The following ASIC2 variants were observed in gnomAD, a reference collection of about 807,000 sequenced individuals.
The protein encoded by ASIC2 is acid sensing ion channel subunit 2.
Under a neutral mutation model 57.3 loss-of-function variants are expected in ASIC2, and 25 were observed. The observed-to-expected ratio is 0.44, with a 90% CI of 0.32 to 0.61. ASIC2 has a LOEUF of 0.61. Ranked by LOEUF, ASIC2 falls within the 20% of genes least tolerant of loss-of-function variation. The pLI is 0.06. For synonymous variants in ASIC2, 319 were observed against 307.5 expected (o/e 1.04, Z -0.39); for missense variants, 641 against 738.1 (o/e 0.87, Z 1.52).
chr17:34,045,471 T>C (rs1305741751), intron 1 of ASIC2, among the ~76,000 whole-genome samples: 1 of 152,210 alleles, frequency 6.6e-6, no homozygotes, highest in Non-Finnish European at 1.5e-5. Flanking sequence ...ACCTTTGGGT[T>C]CAATGATTTT....
intron 1 of ASIC2, among the ~76,000 whole-genome samples, chr17:34,015,489 C>A (rs1906919279): frequency 6.6e-6 from 1 of 152,226 alleles, no homozygotes; most frequent in African/African-American, 2.4e-5. Context: ...TGGCTCATCT[C>A]AGCTTCATGA....
At chr17:33,322,020 C>G (rs1906891969) in intron 1 of ASIC2, among the ~76,000 whole-genome samples, 2 of 152,200 alleles carry the variant, frequency 1.3e-5, no homozygotes, top group Admixed American at 1.3e-4. Context: ...GGAAGGACCA[C>G]AGTGGATCCA....
At chr17:33,169,858 C>G (rs1905445145) in intron 1 of ASIC2, among the ~76,000 whole-genome samples, 2 of 152,178 alleles carry the variant, frequency 1.3e-5, no homozygotes, top group African/African-American at 4.8e-5. Flanking sequence ...CTGGTAGCTC[C>G]AATTCTCCTC....
chr17:33,806,415 G>A (rs143220480), intron 1 of ASIC2, among the ~76,000 whole-genome samples: 1 of 152,304 alleles, frequency 6.6e-6, no homozygotes, highest in African/African-American at 2.4e-5. Flanking sequence ...TAACTAACAA[G>A]CCATGCAAAG....
chr17:33,219,689 A>G (rs116480154), intron 1 of ASIC2, among the ~76,000 whole-genome samples: 8,313 of 152,068 alleles, frequency 0.055, 463 homozygotes, highest in African/African-American at 0.14. Context: ...GAGATGGGGG[A>G]AAAGTTTCGG....
chr17:33,948,807 C>G (rs1215355263), intron 1 of ASIC2, among the ~76,000 whole-genome samples: 1 of 152,146 alleles, frequency 6.6e-6, no homozygotes, highest in Non-Finnish European at 1.5e-5. Flanking sequence ...GTGGACACTG[C>G]ATGAAGATAA....
intron 1 of ASIC2, among the ~76,000 whole-genome samples, chr17:33,579,510 T>C (rs1916812089): frequency 6.6e-6 from 1 of 152,044 alleles, no homozygotes; most frequent in South Asian, 2.1e-4. Flanking sequence ...CCCAGAATTG[T>C]CTCCTCCTGG....
rs759272196 is a variant in ASIC2, at chr17:34,156,546, A to G, written c.-14T>C. ...CTTGAGGTCCATCGGGACCCCGTGC[A>G]GTTCCGCAACTGGCTTCAGGTTGAT... On this transcript the variant is annotated 5_prime_UTR_variant, in exon 1 of 10. Transcript: ENST00000359872. The surrounding 1 kb of genome is among the most constrained non-coding windows in gnomAD (Gnocchi z 4.4). 3.8e-6 allele frequency: 6 copies of G among 1,570,140 alleles called. No homozygotes were observed. Among genetic ancestry groups the G allele is most frequent in the Admixed American group, 1.8e-5 (1 of 56,868 alleles).
rs565820763 is a variant in ASIC2, at chr17:33,870,228, T to G, written c.555+285750A>C. On this transcript the variant is annotated intron_variant, in intron 1 of 9. Coordinates refer to the ASIC2 transcript ENST00000359872. ...TGGGCTGTGATGAGAAATTCTGTTT[T>G]TTTTTTTTTTTTTTTTTTTTTTTTG... Among the ~76,000 whole-genome samples the G allele has an allele frequency of 1.1e-4, 12 of 112,038 alleles. No homozygotes were observed. The South Asian group carries it at 4.3e-3, about 40-fold the overall frequency. The allele number at this position is 112,038 out of a possible 152,430, so 73.5% of individuals were successfully genotyped here. A position where few individuals can be genotyped will look rare whatever the true frequency, so the allele number is the denominator to read the frequency against.
chr17:33,776,058 G>C (rs944179970), intron 1 of ASIC2, among the ~76,000 whole-genome samples: 2 of 150,970 alleles, frequency 1.3e-5, no homozygotes, highest in Non-Finnish European at 2.9e-5. Context: ...GCTTGAACCA[G>C]GGAGGCGGAG....
chr17:33,792,703 G>T (rs1266051646), intron 1 of ASIC2: 1 of 152,202 alleles, frequency 6.6e-6, no homozygotes, highest in African/African-American at 2.4e-5. Flanking sequence ...GGCTTATGAA[G>T]TGGTCAGACT....
At chr17:34,099,357 A>G (rs555579625) in intron 1 of ASIC2, among the ~76,000 whole-genome samples, 1 of 149,238 alleles carries the variant, frequency 6.7e-6, no homozygotes, top group Non-Finnish European at 1.5e-5. Context: ...GGAGGAAAGA[A>G]GGAAGGAAGG....
intron 1 of ASIC2, among the ~76,000 whole-genome samples, chr17:33,973,305 C>T (rs1008730499): frequency 6.6e-6 from 1 of 152,184 alleles, no homozygotes; most frequent in African/African-American, 2.4e-5. Context: ...CAGCACAACC[C>T]AGTGGAGACA....
At chr17:34,040,412 G>GA (rs1368266207) in intron 1 of ASIC2, among the ~76,000 whole-genome samples, 1 of 144,600 alleles carries the variant, frequency 6.9e-6, no homozygotes, top group Non-Finnish European at 1.5e-5. Context: ...GGGGTCCTGG[G>GA]GGGTGGGGGA....
At chr17:33,152,368 C>G (rs1465379260) in intron 1 of ASIC2, among the ~76,000 whole-genome samples, 1 of 152,152 alleles carries the variant, frequency 6.6e-6, no homozygotes, top group Non-Finnish European at 1.5e-5. Context: ...GCCAAGTGCT[C>G]TAGTGTTTCA....
rs544615349 is a variant in ASIC2, at chr17:33,973,940, C to T, written c.555+182038G>A. On this transcript the variant is annotated intron_variant, in intron 1 of 9. Coordinates refer to the ASIC2 transcript ENST00000359872. ...AGCTCGAAACATTTGCTTAAGACATCTCCATGCATCATCCTCCCACCTGGT... is the reference window on the plus strand; with the variant it reads ...AGCTCGAAACATTTGCTTAAGACATTTCCATGCATCATCCTCCCACCTGGT... 7.2e-5 allele frequency among the ~76,000 whole-genome samples: 11 copies of T among 152,252 alleles called. No individual in the cohort carries two copies. The East Asian group carries it at 2.1e-3, about 29-fold the overall frequency.
At chr17:33,516,401 A>AGTGT (rs537765098) in intron 1 of ASIC2, among the ~76,000 whole-genome samples, 1 of 147,590 alleles carries the variant, frequency 6.8e-6, no homozygotes, top group Non-Finnish European at 1.5e-5. Context: ...TGTGTTTGTG[A>AGTGT]GTGTGAGTGT....
intron 1 of ASIC2, among the ~76,000 whole-genome samples, chr17:34,100,847 T>C (rs1910839031): frequency 6.6e-6 from 1 of 152,198 alleles, no homozygotes; most frequent in Admixed American, 6.5e-5. Flanking sequence ...TATCCAAACT[T>C]ACTTGATCAT....
intron 1 of ASIC2, among the ~76,000 whole-genome samples, chr17:33,305,895 C>A (rs1906150912): frequency 6.6e-6 from 1 of 152,190 alleles, no homozygotes; most frequent in Non-Finnish European, 1.5e-5. Flanking sequence ...ATTGTTTCAG[C>A]AATCACCATA....
Sources: gnomAD v4.1 joint callset for allele counts (sites outside exome capture counted in the v4.1 genomes callset) on GRCh38, gnomAD v4.1.1 for gene constraint, Gnocchi (gnomAD v3.1) non-coding constraint, MANE v1.5 for transcripts, NCBI Gene and HGNC (gene_info 2026-07-23, HGNC 2026-07-21) for gene names.